WASL: variants seen among roughly 807,000 people sequenced by gnomAD.
The protein encoded by WASL is WASP like actin nucleation promoting factor.
In WASL, 20 loss-of-function variants were observed where a neutral mutation model predicts 55.5. The observed-to-expected ratio is 0.36, with a 90% CI of 0.25 to 0.52. WASL has a LOEUF of 0.52. Ranked by LOEUF, WASL falls within the 20% of genes least tolerant of loss-of-function variation. The pLI is 0.92. For missense variants in WASL, 504 were observed against 622.5 expected, an observed-to-expected ratio of 0.81 and a Z score of 2.03; for synonymous variants, 249 against 217.6, an observed-to-expected ratio of 1.14 and a Z score of -1.27.
At chr7:123,719,032 G>A (rs544613797) in intron 1 of WASL, among the ~76,000 whole-genome samples, 21 of 152,210 alleles carry the variant, frequency 1.4e-4, no homozygotes, top group African/African-American at 4.3e-4. Context: ...CAACATTTTC[G>A]CTTCCACAGC....
chr7:123,744,675 T>C (rs1397091163), intron 1 of WASL, among the ~76,000 whole-genome samples: 1 of 152,182 alleles, frequency 6.6e-6, no homozygotes, highest in East Asian at 1.9e-4. Flanking sequence ...TGTAGAGACG[T>C]AGTTTAATGT....
intron 1 of WASL, among the ~76,000 whole-genome samples, chr7:123,727,471 T>C (rs1419485545): frequency 6.6e-6 from 1 of 150,936 alleles, no homozygotes; most frequent in African/African-American, 2.4e-5. Context: ...GACAAACAAA[T>C]TGTGGTAAAT....
chr7:123,711,422 A>G (rs1489457137), intron 1 of WASL, among the ~76,000 whole-genome samples: 1 of 152,184 alleles, frequency 6.6e-6, no homozygotes. Context: ...TTAAAACTAA[A>G]AAAACAACTA....
chr7:123,717,415 G>A (rs1803863959), intron 1 of WASL, among the ~76,000 whole-genome samples: 1 of 152,246 alleles, frequency 6.6e-6, no homozygotes. Flanking sequence ...CCCTGAAGAT[G>A]ATCGTGGTAC....
intron 1 of WASL, among the ~76,000 whole-genome samples, chr7:123,721,286 T>C (rs1803938610): frequency 6.9e-6 from 1 of 144,460 alleles, no homozygotes; most frequent in Non-Finnish European, 1.5e-5. Context: ...GTACATATAC[T>C]TTATATAAAT....
At chr7:123,735,072 G>A (rs1804203302) in intron 1 of WASL, among the ~76,000 whole-genome samples, 1 of 149,186 alleles carries the variant, frequency 6.7e-6, no homozygotes, top group Non-Finnish European at 1.5e-5. Context: ...AGACAGCTGA[G>A]GAAAACCAGC....
chr7:123,710,622 T>C (rs1225572993), intron 1 of WASL, among the ~76,000 whole-genome samples: 3 of 152,356 alleles, frequency 2.0e-5, no homozygotes, highest in East Asian at 1.9e-4. Flanking sequence ...TTCAATGTTA[T>C]GTTTTTAACA....
intron 9 of WASL, among the ~76,000 whole-genome samples, chr7:123,691,571 TA>T (rs1269959279): frequency 6.6e-6 from 1 of 152,138 alleles, no homozygotes; most frequent in African/African-American, 2.4e-5. Context: ...GCTTCTGCGG[TA>T]AAACAGCAGA....
Position 123,689,146 on chromosome 7 carries a change from G to T in WASL, c.1352C>A (p.Ala451Asp). Residue 451 changes from alanine to aspartate, a missense_variant, in exon 10 of 11, where the codon GCT becomes GAT. Transcript: ENST00000223023. ...TGGTGGTGTAGACTCTTGGCCATCA[G>T]CCACCTTGGAAAAGAAAGTTAGCAA... ...IRQGIQLKSV[A>D]DGQESTPPTP... is the part of the protein sequence containing the mutation. The T allele has an allele frequency of 1.2e-6, 2 of 1,611,322 alleles. No individual in the cohort carries two copies. The highest frequency in any genetic ancestry group is 1.3e-5 in the African/African-American group (1 of 74,816).
intron 5 of WASL, among the ~76,000 whole-genome samples, chr7:123,696,951 T>C (rs1202614303): frequency 6.6e-6 from 1 of 151,734 alleles, no homozygotes; most frequent in Non-Finnish European, 1.5e-5. Flanking sequence ...AGATGCACTA[T>C]TTCAAAGCAA....
intron 1 of WASL, among the ~76,000 whole-genome samples, chr7:123,717,901 G>A (rs186887738): frequency 2.2e-4 from 33 of 152,144 alleles, no homozygotes; most frequent in African/African-American, 7.7e-4. Context: ...ATATGCCTGC[G>A]CTGCAAAAAA....
At chr7:123,708,541 A>C (rs1177311918) in intron 2 of WASL, among the ~76,000 whole-genome samples, 1 of 152,192 alleles carries the variant, frequency 6.6e-6, no homozygotes, top group Admixed American at 6.6e-5. Context: ...CAAGGTATTC[A>C]ATCTATAACA....
intron 1 of WASL, among the ~76,000 whole-genome samples, chr7:123,743,163 C>T (rs1804373940): frequency 6.6e-6 from 1 of 151,988 alleles, no homozygotes; most frequent in Admixed American, 6.6e-5. Flanking sequence ...ATGGTGAAAC[C>T]CTGTCTGTAC....
rs533685745 is a variant in WASL, at chr7:123,740,718, C to T, written c.117+7900G>A. Among the ~76,000 whole-genome samples, 18 of 152,204 alleles carry T rather than the reference C, an allele frequency of 1.2e-4. No individual in the cohort carries two copies. In the South Asian group the frequency reaches 3.7e-3, roughly 32 times the overall value. On this transcript the variant is annotated intron_variant, in intron 1 of 10. Coordinates refer to ENST00000223023, the MANE Select transcript of WASL (RefSeq NM_003941.4). ...TCAAGTGAACCTCCTGCCTCAGCCT[C>T]TGGAGTAACTGGGACTACAGACATG...
rs6466883 is a variant in WASL at position 123,712,159 on chromosome 7, G to T, written c.118-2936C>A. Among the ~76,000 whole-genome samples, 1,228 of 150,146 alleles carry T rather than the reference G, an allele frequency of 8.2e-3. 22 individuals carry two copies. The highest frequency in any genetic ancestry group is 0.028 in the African/African-American group (1,140 of 40,850). On this transcript the variant is annotated intron_variant, in intron 1 of 10. Transcript: ENST00000223023. ...TTATTGGAGTTTTTTGGTTTGTTTG[G>T]TTTTTTTTTCACATTTCTGAAGTGC...
chr7:123,695,795 A>G (rs73718457), intron 7 of WASL, 28 bp downstream of exon 7: 1 of 1,608,572 alleles, frequency 6.2e-7, no homozygotes, highest in African/African-American at 1.3e-5. Context: ...ATACAGTTAT[A>G]ACGTATATGA....
chr7:123,689,555 C>T (rs993447621), intron 9 of WASL, among the ~76,000 whole-genome samples: 2 of 152,078 alleles, frequency 1.3e-5, no homozygotes, highest in African/African-American at 4.8e-5. Flanking sequence ...TTACGTGGGA[C>T]GCACACTGAA....
chr7:123,697,839 G>A (rs1803516510), intron 5 of WASL, among the ~76,000 whole-genome samples: 2 of 152,226 alleles, frequency 1.3e-5, no homozygotes, highest in Admixed American at 6.5e-5. Context: ...TAACAATGCA[G>A]TTTATGTTGA....
intron 1 of WASL, among the ~76,000 whole-genome samples, chr7:123,735,196 TTAAG>T (rs1226256738): frequency 6.6e-6 from 1 of 151,746 alleles, no homozygotes; most frequent in African/African-American, 2.4e-5. Flanking sequence ...AAATATTTAC[TTAAG>T]TATTATTGTA....
Sources: gnomAD v4.1 joint callset for allele counts (sites outside exome capture counted in the v4.1 genomes callset) on GRCh38, gnomAD v4.1.1 for gene constraint, MANE v1.5 for transcripts, NCBI Gene and HGNC (gene_info 2026-07-23, HGNC 2026-07-21) for gene names.